Variants in TSNARE1 observed in about 807,000 individuals in gnomAD.
TSNARE1 encodes the protein t-SNARE domain-containing protein 1.
A neutral mutation model predicts 62.0 loss-of-function variants in TSNARE1; 49 were observed. The observed-to-expected ratio is 0.79, with a 90% CI of 0.63 to 1.00. The LOEUF (loss-of-function observed/expected upper bound fraction) is 1.00. Among genes scored for constraint, TSNARE1 ranks in the 50% least tolerant of loss-of-function variants. TSNARE1 has a pLI of 0.00. For missense variants in TSNARE1, 755 were observed against 700.1 expected (o/e 1.08, Z -0.88); for synonymous variants, 328 against 294.4 (o/e 1.11, Z -1.17).
chr8:142,274,663 C>G, intron 12 of TSNARE1, 118 bp downstream of exon 12: 2 of 1,371,342 alleles, frequency 1.5e-6, no homozygotes, highest in Non-Finnish European at 1.9e-6. Flanking sequence ...GGCCTGTGGG[C>G]ATGCCCCTCC....
intron 6 of TSNARE1, among the ~76,000 whole-genome samples, chr8:142,321,049 G>C (rs2131772832): frequency 6.6e-6 from 1 of 152,300 alleles, no homozygotes; most frequent in Non-Finnish European, 1.5e-5. Flanking sequence ...ACCCAACCTG[G>C]CAATACCCCA....
At chr8:142,383,146 C>G (rs544999117) in intron 1 of TSNARE1, among the ~76,000 whole-genome samples, 4 of 152,160 alleles carry the variant, frequency 2.6e-5, no homozygotes, top group Non-Finnish European at 5.9e-5. Context: ...CAGGCAGCCT[C>G]AGAAACAGGG....
intron 12 of TSNARE1, among the ~76,000 whole-genome samples, chr8:142,259,448 G>C (rs1818747949): frequency 6.6e-6 from 1 of 152,106 alleles, no homozygotes; most frequent in Non-Finnish European, 1.5e-5. Context: ...TACCCCTACA[G>C]GCTGTCCTTT....
At chr8:142,240,740 G>A (rs1817638519) in intron 12 of TSNARE1, among the ~76,000 whole-genome samples, 1 of 152,088 alleles carries the variant, frequency 6.6e-6, no homozygotes, top group Admixed American at 6.5e-5. Context: ...ATCTCCTTAA[G>A]TAATGGGTCA....
At chr8:142,293,679 C>G (rs1040863319) in intron 10 of TSNARE1, among the ~76,000 whole-genome samples, 7 of 152,218 alleles carry the variant, frequency 4.6e-5, no homozygotes, top group Non-Finnish European at 7.3e-5. Flanking sequence ...TGGCTGTCAT[C>G]CCTCCCACCA....
At chr8:142,370,148 C>T (rs768274948) in intron 1 of TSNARE1, among the ~76,000 whole-genome samples, 6 of 152,196 alleles carry the variant, frequency 3.9e-5, no homozygotes, top group Non-Finnish European at 5.9e-5. Flanking sequence ...CACAGGACAC[C>T]AAATCTGCTG....
In TSNARE1 at chr8:142,274,668, C is replaced by T. The variant is rs542165056; in HGVS notation, c.1446+113G>A. ...GTTCAGAGGAGGCCTGTGGGCATGC[C>T]CCTCCCAGGCACAGGGCAGGGCCTG... On this transcript the variant is annotated intron_variant, in intron 12 of 13. Coordinates refer to ENST00000524325, the MANE Select transcript of TSNARE1 (RefSeq NM_145003.5). 8.1e-5 allele frequency: 111 copies of T among 1,371,568 alleles called. 1 individual carries two copies. The South Asian group carries it at 1.0e-3, about 13-fold the overall frequency. The allele number at this position is 1,371,568 out of a possible 1,614,324, so 85.0% of individuals were successfully genotyped here. A position where few individuals can be genotyped will look rare whatever the true frequency, so the allele number is the denominator to read the frequency against.
Position 142,250,876 on chromosome 8 carries a change from T to C in TSNARE1, c.1447-21297A>G, listed in dbSNP as rs190030587. Among the ~76,000 whole-genome samples the C allele has an allele frequency of 1.4e-3, 215 of 152,274 alleles. 2 individuals are homozygous for C. The highest frequency in any genetic ancestry group is 4.6e-3 in the South Asian group (22 of 4,830). ...GGAGCCGACGGACGAGGGGCTAGCC[T>C]TTCCCTGCCTGTGCCTCTCGGAGAG... On this transcript the variant is annotated intron_variant, in intron 12 of 13. Transcript: ENST00000524325.
chr8:142,277,041 G>C (rs773439013), intron 11 of TSNARE1: 3 of 985,282 alleles, frequency 3.0e-6, no homozygotes, highest in Non-Finnish European at 3.6e-6. Context: ...GACAGGTTTG[G>C]TGCGTGGGAC....
At chr8:142,370,077 C>T (rs1396751686) in intron 1 of TSNARE1, among the ~76,000 whole-genome samples, 2 of 152,204 alleles carry the variant, frequency 1.3e-5, no homozygotes, top group Admixed American at 6.5e-5. Context: ...AGACCCTTCA[C>T]CCTTCTGCCA....
At chr8:142,219,246 G>A (rs1029316114) in intron 13 of TSNARE1, among the ~76,000 whole-genome samples, 5 of 152,252 alleles carry the variant, frequency 3.3e-5, no homozygotes, top group African/African-American at 9.6e-5. Context: ...CCACTGCCCA[G>A]ACAGGCAGGA....
intron 13 of TSNARE1, among the ~76,000 whole-genome samples, chr8:142,217,234 ACT>A (rs1815882232): frequency 6.6e-6 from 1 of 151,402 alleles, no homozygotes; most frequent in Admixed American, 6.6e-5. Flanking sequence ...ACAGAGCAAG[ACT>A]CTGTCTCAAA....
rs1432837303 is a variant in TSNARE1 at position 142,272,613 on chromosome 8, C to A, written c.1446+2168G>T. ...CCTTCCATCCACCCACCCATCTACA[C>A]CTTCCTCCTTCCATCCATCCACCCG... On this transcript the variant is annotated intron_variant, in intron 12 of 13. Coordinates refer to ENST00000524325, the MANE Select transcript of TSNARE1 (RefSeq NM_145003.5). 3.9e-5 allele frequency: 15 copies of A among 379,976 alleles called. 3 individuals carry two copies. The highest frequency in any genetic ancestry group is 4.6e-5 in the Non-Finnish European group (15 of 329,268). The allele number at this position is 379,976 out of a possible 1,614,324, so 23.5% of individuals were successfully genotyped here.
At chr8:142,296,068 A>G (rs1156320048) in intron 10 of TSNARE1, among the ~76,000 whole-genome samples, 3 of 5,956 alleles carry the variant, frequency 5.0e-4, no homozygotes, top group Admixed American at 2.9e-3. Flanking sequence ...TCATGGGGGA[A>G]GGGTGGTCAT....
intron 12 of TSNARE1, among the ~76,000 whole-genome samples, chr8:142,235,444 GC>G (rs1255528497): frequency 8.1e-6 from 1 of 122,800 alleles, no homozygotes; most frequent in Non-Finnish European, 1.7e-5. Context: ...CTGCACCCTG[GC>G]CCCCCATTCC....
intron 12 of TSNARE1, among the ~76,000 whole-genome samples, chr8:142,262,163 C>G (rs1184257980): frequency 6.6e-6 from 1 of 152,226 alleles, no homozygotes. Flanking sequence ...CTTCTTCTTC[C>G]AGGTGGCATG....
rs1456457937 is a variant in TSNARE1 at position 142,255,407 on chromosome 8, CCACCAT to C, written c.1446+19368_1446+19373del. 1.6e-3 allele frequency among the ~76,000 whole-genome samples: 228 copies of C among 142,908 alleles called. 1 individual carries two copies. The highest frequency in any genetic ancestry group is 5.7e-3 in the Admixed American group (83 of 14,508). 93.8% of individuals were successfully genotyped at this position (142,908 alleles called of 152,430 possible). Reference sequence around the variant, plus strand: ...GTTACCACCACCATTACCATCACCACCACCATCACCATCACCACCACCACCACTGTC... The same window carrying C: ...GTTACCACCACCATTACCATCACCACCACCATCACCACCACCACCACTGTC... On this transcript the variant is annotated intron_variant, in intron 12 of 13. Coordinates refer to ENST00000524325, the MANE Select transcript of TSNARE1 (RefSeq NM_145003.5).
rs375410783 is a variant in TSNARE1 at position 142,298,355 on chromosome 8, G to A, written c.1290+2131C>T. The stretch of plus-strand genomic sequence containing the variant: ...TGGAGAGGCCCTCACACAGAGGATC[G>A]CGGACGGGGCAGCCAGCCCCAGCCT... On this transcript the variant is annotated intron_variant, in intron 10 of 13. Transcript: ENST00000524325. Among the ~76,000 whole-genome samples the A allele has an allele frequency of 5.9e-5, 9 of 152,324 alleles. No individual in the cohort carries two copies. In the East Asian group the frequency reaches 1.2e-3, roughly 20 times the overall value.
intron 13 of TSNARE1, among the ~76,000 whole-genome samples, chr8:142,221,998 CACTGATT>C (rs1586758931): frequency 1.9e-3 from 152 of 78,676 alleles, no homozygotes; most frequent in Non-Finnish European, 2.8e-3. Context: ...TTCACTCACT[CACTGATT>C]CACTCACTCA....
Sources: allele counts gnomAD v4.1 joint callset (sites outside exome capture counted in the v4.1 genomes callset), GRCh38; gene constraint gnomAD v4.1.1; transcripts MANE v1.5; gene names NCBI Gene and HGNC (gene_info 2026-07-23, HGNC 2026-07-21).